Variants in NUP160 observed in about 807,000 individuals in gnomAD.
The protein encoded by NUP160 is nuclear pore complex protein Nup160.
Under a neutral mutation model 196.9 loss-of-function variants are expected in NUP160, and 94 were observed. That is an observed-to-expected ratio of 0.48 (90% confidence interval 0.40 to 0.57). NUP160 has a LOEUF of 0.57. NUP160 is among the 20% of genes least tolerant of loss of function. The pLI, the probability that NUP160 is intolerant of heterozygous loss-of-function variation, is 0.00. For synonymous variants in NUP160, 605 were observed against 619.7 expected (o/e 0.98, Z 0.35); for missense variants, 1,638 against 1,748.3 (o/e 0.94, Z 1.13).
chr11:47,786,717 A>T (rs900868504), intron 31 of NUP160, among the ~76,000 whole-genome samples, 163 bp from the exon 32 acceptor site: 9 of 152,226 alleles, frequency 5.9e-5, no homozygotes, highest in Non-Finnish European at 1.2e-4. Flanking sequence ...ACAACTGGAT[A>T]CCTACAAGAA....
rs761167067 is a variant in NUP160 at position 47,822,090 on chromosome 11, A to T, written c.1176T>A (p.Ser392=). The change falls in exon 8 of 36, where the codon TCT becomes TCA. Residue 392 remains serine, a synonymous_variant. Transcript: ENST00000378460. ...TGCAAAGGATGAATCAACCTACCTG[A>T]GAAGTGAACAGTGAAGAAATATGAT... is the stretch of plus-strand genomic sequence containing the variant. The T allele has an allele frequency of 4.4e-6, 7 of 1,599,850 alleles. No individual in the cohort carries two copies. The Middle Eastern group carries it at 6.6e-4, about 151-fold the overall frequency.
chr11:47,783,851 A>G (rs938711752), intron 33 of NUP160, among the ~76,000 whole-genome samples: 4 of 151,876 alleles, frequency 2.6e-5, no homozygotes, highest in Non-Finnish European at 5.9e-5. Flanking sequence ...GCACCATCAC[A>G]TCCAGATAAT....
intron 34 of NUP160, among the ~76,000 whole-genome samples, chr11:47,782,534 G>A (rs765561475): frequency 4.3e-4 from 65 of 150,916 alleles, no homozygotes; most frequent in Non-Finnish European, 7.7e-4. Context: ...ATAAAGTTGG[G>A]CAAAATCATC....
At chr11:47,811,188 CTG>C (rs2097680898) in intron 17 of NUP160, among the ~76,000 whole-genome samples, 1 of 152,028 alleles carries the variant, frequency 6.6e-6, no homozygotes, top group African/African-American at 2.4e-5. Context: ...CATCTCAAAA[CTG>C]TGTTTAGGGT....
intron 1 of NUP160, 79 bp from the exon 2 acceptor site, chr11:47,848,038 G>C: frequency 1.5e-6 from 2 of 1,309,988 alleles, no homozygotes; most frequent in Middle Eastern, 3.8e-4. Flanking sequence ...AAAGCAGAGA[G>C]TGACAGACTG....
exon 22 of NUP160, chr11:47,803,502 A>G (rs780841831): frequency 1.1e-5 from 18 of 1,611,872 alleles, no homozygotes; most frequent in Non-Finnish European, 1.5e-5. Flanking sequence ...ACCAACATTG[A>G]CTTGACACCA....
intron 33 of NUP160, among the ~76,000 whole-genome samples, chr11:47,783,727 A>AT (rs1177322459): frequency 2.0e-5 from 3 of 151,674 alleles, no homozygotes; most frequent in African/African-American, 7.3e-5. Context: ...CTACTTTCCT[A>AT]TTTATTTATT....
chr11:47,826,835 T>C (rs1379075527), intron 7 of NUP160, among the ~76,000 whole-genome samples: 1 of 152,100 alleles, frequency 6.6e-6, no homozygotes, highest in Non-Finnish European at 1.5e-5. Flanking sequence ...AGTGTTGGGA[T>C]TACAGGTGTG....
chr11:47,816,976 G>GT (rs371077064), intron 11 of NUP160, among the ~76,000 whole-genome samples: 44,302 of 136,560 alleles, frequency 0.32, 7,788 homozygotes, highest in Non-Finnish European at 0.42. Flanking sequence ...AATCCTTTCA[G>GT]TTTTTTTTTT....
chr11:47,828,117 C>T (rs1454269145), intron 7 of NUP160, among the ~76,000 whole-genome samples: 3 of 152,148 alleles, frequency 2.0e-5, no homozygotes, highest in Non-Finnish European at 4.4e-5. Flanking sequence ...AATCTGCCCA[C>T]CTTGGCCTCC....
chr11:47,812,070 T>C, exon 17 of NUP160: 1 of 1,614,062 alleles, frequency 6.2e-7, no homozygotes, highest in Non-Finnish European at 8.5e-7. Flanking sequence ...TTACAGCATC[T>C]CCAAGCCTCA....
chr11:47,793,722 G>GTTTT (rs750497969), intron 27 of NUP160, among the ~76,000 whole-genome samples: 13 of 87,658 alleles, frequency 1.5e-4, no homozygotes, highest in African/African-American at 4.2e-4. Context: ...TAAGATATCT[G>GTTTT]TTTTTTTTTT....
intron 7 of NUP160, among the ~76,000 whole-genome samples, chr11:47,833,450 T>G (rs1852113629): frequency 9.4e-6 from 1 of 106,628 alleles, no homozygotes; most frequent in African/African-American, 3.3e-5. Context: ...AGTGCCAAAC[T>G]CCATCACAAA....
At chr11:47,811,371 C>T (rs563203603) in intron 17 of NUP160, among the ~76,000 whole-genome samples, 6 of 151,538 alleles carry the variant, frequency 4.0e-5, no homozygotes, top group African/African-American at 7.3e-5. Flanking sequence ...TAGCCGGACA[C>T]GGTGGCACGC....
chr11:47,797,875 T>C, exon 27 of NUP160: 2 of 1,611,748 alleles, frequency 1.2e-6, no homozygotes, highest in Non-Finnish European at 8.5e-7. Context: ...GACTCAATTA[T>C]TCCCACAACC....
At position 47,801,914 on chromosome 11, in the gene NUP160, C is replaced by T. The variant is rs999522590; in HGVS notation, c.2792G>A (p.Cys931Tyr). ...TTTGCCTACTTCAGATGCTGCCTGACAAAAACATTCCAGAGCCTGGAGAAA... is the reference window on the plus strand; with the variant it reads ...TTTGCCTACTTCAGATGCTGCCTGATAAAAACATTCCAGAGCCTGGAGAAA... The change falls in exon 23 of 36, where the codon TGT becomes TAT. Residue 931 changes from cysteine (C) to tyrosine (Y), a missense_variant. Cys to Tyr is a radical substitution (Grantham distance 194). Coordinates refer to ENST00000378460, the Ensembl canonical transcript of NUP160. 6 of 1,613,666 alleles carry T rather than the reference C, an allele frequency of 3.7e-6. No individual in the cohort carries two copies. In the African/African-American group the frequency reaches 8.0e-5, roughly 22 times the overall value.
At chr11:47,796,159 A>AC (rs1202206991) in intron 27 of NUP160, 1 of 307,064 alleles carries the variant, frequency 3.3e-6, no homozygotes, top group African/African-American at 2.2e-5. Context: ...ATCTAAAAAA[A>AC]AAAAAAAAAA....
At chr11:47,806,839 ACACACACACACAC>A (rs2097677987) in intron 19 of NUP160, among the ~76,000 whole-genome samples, 2 of 150,118 alleles carry the variant, frequency 1.3e-5, no homozygotes, top group South Asian at 2.1e-4. Flanking sequence ...ACACACACAC[ACACACACACACAC>A]ATATATATAC....
intron 7 of NUP160, among the ~76,000 whole-genome samples, chr11:47,824,573 A>ATAC (rs767910649): frequency 6.6e-6 from 1 of 151,936 alleles, no homozygotes; most frequent in Non-Finnish European, 1.5e-5. Context: ...TCGCCCCACT[A>ATAC]TACTCCAGCC....
Sources: gnomAD v4.1 joint callset for allele counts (sites outside exome capture counted in the v4.1 genomes callset) on GRCh38, gnomAD v4.1.1 for gene constraint, MANE v1.5 for transcripts, NCBI Gene and HGNC (gene_info 2026-07-23, HGNC 2026-07-21) for gene names.